The following UTRN variants were observed in gnomAD, a reference collection of about 807,000 sequenced individuals.
UTRN encodes the protein utrophin, also known as dystrophin-related protein 1.
UTRN carries 283 observed loss-of-function variants against 463.9 expected under a neutral mutation model. The observed-to-expected ratio is 0.61, with a 90% CI of 0.55 to 0.67. The LOEUF (loss-of-function observed/expected upper bound fraction) is 0.67. UTRN is among the 30% of genes least tolerant of loss of function. The pLI is 0.00. For synonymous variants in UTRN, 1,442 were observed against 1,431.5 expected (o/e 1.01, Z -0.17); for missense variants, 3,922 against 4,084.3 (o/e 0.96, Z 1.08).
chr6:144,743,731 G>A (rs1790362937), intron 54 of UTRN, among the ~76,000 whole-genome samples: 1 of 152,048 alleles, frequency 6.6e-6, no homozygotes, highest in African/African-American at 2.4e-5. Context: ...AGGAGAGCGT[G>A]GCATAAATGC....
intron 60 of UTRN, among the ~76,000 whole-genome samples, chr6:144,775,978 G>A (rs369376728): frequency 1.0e-3 from 154 of 152,284 alleles, no homozygotes; most frequent in East Asian, 7.3e-3. Context: ...ATGACAGTTA[G>A]AAAAGGGCTA....
chr6:144,345,391 C>T (rs926372269), intron 2 of UTRN, among the ~76,000 whole-genome samples: 102 of 152,242 alleles, frequency 6.7e-4, no homozygotes, highest in African/African-American at 2.1e-3. Context: ...AAACTCCACG[C>T]GGGCCAGGCA....
intron 53 of UTRN, chr6:144,708,414 A>G: frequency 3.1e-6 from 2 of 635,624 alleles, no homozygotes; most frequent in Non-Finnish European, 5.9e-6. Context: ...TTGGCCTCTC[A>G]TATTTTCCTT....
chr6:144,465,917 A>G (rs912444358), intron 23 of UTRN, among the ~76,000 whole-genome samples: 5 of 152,204 alleles, frequency 3.3e-5, no homozygotes, highest in African/African-American at 7.2e-5. Flanking sequence ...TTTAAAATGC[A>G]TTTTTCATTA....
chr6:144,728,471 A>C (rs1788145775), intron 53 of UTRN, among the ~76,000 whole-genome samples: 1 of 118,588 alleles, frequency 8.4e-6, no homozygotes, highest in Non-Finnish European at 1.5e-5. Context: ...AGATGTATAT[A>C]ATCTTTTTTT....
intron 2 of UTRN, among the ~76,000 whole-genome samples, chr6:144,347,229 C>T (rs1777662860): frequency 6.6e-6 from 1 of 152,204 alleles, no homozygotes; most frequent in Non-Finnish European, 1.5e-5. Context: ...CTTGGGTCCC[C>T]CATTAGAATC....
At chr6:144,773,262 T>G (rs796838633) in intron 59 of UTRN, among the ~76,000 whole-genome samples, 5 of 152,120 alleles carry the variant, frequency 3.3e-5, no homozygotes, top group African/African-American at 7.2e-5. Flanking sequence ...AGAAATAAGA[T>G]GAGCTCCATG....
intron 11 of UTRN, 58 bp downstream of exon 11, chr6:144,437,804 T>A (rs1273146553): frequency 1.3e-6 from 2 of 1,529,634 alleles, no homozygotes; most frequent in Non-Finnish European, 1.8e-6. Context: ...ACAGTTGAGC[T>A]CTAGTAGATG....
At chr6:144,644,164 A>G (rs905824187) in intron 51 of UTRN, among the ~76,000 whole-genome samples, 3 of 152,224 alleles carry the variant, frequency 2.0e-5, no homozygotes, top group Non-Finnish European at 4.4e-5. Flanking sequence ...AACCTTATGC[A>G]CAGAACTAAA....
chr6:144,412,762 TACACACACACAC>T (rs149751810), intron 3 of UTRN, among the ~76,000 whole-genome samples: 1 of 144,272 alleles, frequency 6.9e-6, no homozygotes, highest in Non-Finnish European at 1.5e-5. Flanking sequence ...ACACACACCA[TACACACACACAC>T]ACACACACAC....
chr6:144,582,257 T>C (rs1214242943), intron 51 of UTRN, among the ~76,000 whole-genome samples: 1 of 152,160 alleles, frequency 6.6e-6, no homozygotes, highest in Non-Finnish European at 1.5e-5. Context: ...ATGACAACAT[T>C]AGACAGAGGT....
intron 65 of UTRN, among the ~76,000 whole-genome samples, chr6:144,807,143 G>A (rs1293472294): frequency 6.6e-6 from 1 of 152,038 alleles, no homozygotes; most frequent in Admixed American, 6.6e-5. Context: ...TAGTTAAGAA[G>A]ATGCTCCAGT....
intron 2 of UTRN, among the ~76,000 whole-genome samples, chr6:144,375,484 C>A (rs541140078): frequency 6.6e-6 from 1 of 152,178 alleles, no homozygotes; most frequent in Admixed American, 6.5e-5. Flanking sequence ...AAAGGGTGTT[C>A]TAATTTCATT....
chr6:144,806,770 A>G (rs571150527), intron 65 of UTRN, among the ~76,000 whole-genome samples: 1 of 142,236 alleles, frequency 7.0e-6, no homozygotes, highest in East Asian at 2.1e-4. Flanking sequence ...TCTTGTGCCT[A>G]AACCAGGTAT....
intron 51 of UTRN, among the ~76,000 whole-genome samples, chr6:144,592,902 C>A (rs896273418): frequency 2.0e-5 from 3 of 152,090 alleles, no homozygotes; most frequent in Non-Finnish European, 4.4e-5. Flanking sequence ...ATATTCTATC[C>A]CAGAACTGTC....
chr6:144,439,692 A>G (rs994665369), intron 12 of UTRN, among the ~76,000 whole-genome samples: 3 of 152,064 alleles, frequency 2.0e-5, no homozygotes, highest in Middle Eastern at 3.2e-3. Flanking sequence ...TAGTAAAGTC[A>G]GGGTTTCACC....
At chr6:144,737,829 GTT>G (rs10714100) in intron 54 of UTRN, among the ~76,000 whole-genome samples, 25,147 of 147,518 alleles carry the variant, frequency 0.17, 2,673 homozygotes, top group East Asian at 0.51. Context: ...CAATTGAACT[GTT>G]TTTTTTTTTT....
Position 144,701,959 on chromosome 6 carries a change from A to G in UTRN, c.7809+1716A>G, listed in dbSNP as rs9399492. On this transcript the variant is annotated intron_variant, in intron 53 of 74. Coordinates refer to ENST00000367545, the MANE Select transcript of UTRN (RefSeq NM_007124.3). ...TGATATGCAAGATAATAATAATAAT[A>G]GAAGATTTAAAATGACCGATTTAAG... 3.1e-3 allele frequency among the ~76,000 whole-genome samples: 473 copies of G among 152,324 alleles called. 20 individuals are homozygous for G. In the East Asian group the frequency reaches 0.067, roughly 22 times the overall value.
chr6:144,349,006 G>T (rs1156652426), intron 2 of UTRN, among the ~76,000 whole-genome samples: 1 of 152,066 alleles, frequency 6.6e-6, no homozygotes, highest in Non-Finnish European at 1.5e-5. Context: ...ATGGTACTGA[G>T]CAGTTCTTTT....
Sources: gnomAD v4.1 joint callset for allele counts (sites outside exome capture counted in the v4.1 genomes callset) on GRCh38, gnomAD v4.1.1 for gene constraint, MANE v1.5 for transcripts, NCBI Gene and HGNC (gene_info 2026-07-23, HGNC 2026-07-21) for gene names.